RGS6: variants seen among roughly 807,000 people sequenced by gnomAD.
RGS6 encodes the protein regulator of G protein signaling 6.
A neutral mutation model predicts 78.5 loss-of-function variants in RGS6; 30 were observed. The observed-to-expected ratio is 0.38, with a 90% CI of 0.29 to 0.52. The LOEUF is 0.52. Among genes scored for constraint, RGS6 ranks in the 20% least tolerant of loss-of-function variants. The probability of loss-of-function intolerance (pLI) is 0.85; values close to 1 mark genes in which losing one functional copy is unlikely to be tolerated. For synonymous variants in RGS6, 206 were observed against 206.0 expected (o/e 1.00, Z 0.00); for missense variants, 495 against 609.7 (o/e 0.81, Z 1.98).
At chr14:72,509,603 A>G (rs1007811942) in intron 13 of RGS6, among the ~76,000 whole-genome samples, 6 of 152,234 alleles carry the variant, frequency 3.9e-5, no homozygotes, top group African/African-American at 9.6e-5. Flanking sequence ...AGCACTGTGC[A>G]TGGTTGTTAA....
At chr14:72,457,843 G>A (rs2095671580) in intron 4 of RGS6, among the ~76,000 whole-genome samples, 2 of 152,178 alleles carry the variant, frequency 1.3e-5, no homozygotes, top group African/African-American at 4.8e-5. Flanking sequence ...TATGGGCAGC[G>A]AGGCTGCATT....
At chr14:72,155,499 A>G (rs1423059433) in intron 2 of RGS6, among the ~76,000 whole-genome samples, 1 of 152,190 alleles carries the variant, frequency 6.6e-6, no homozygotes, top group Non-Finnish European at 1.5e-5. Context: ...TGGTTACTCA[A>G]TGCAATTGTG....
At chr14:72,229,616 G>T (rs1269855493) in intron 2 of RGS6, among the ~76,000 whole-genome samples, 1 of 152,176 alleles carries the variant, frequency 6.6e-6, no homozygotes, top group Admixed American at 6.5e-5. Flanking sequence ...CCACATTTCT[G>T]GGAAATTTGT....
At chr14:72,288,556 A>G (rs963067795) in intron 2 of RGS6, among the ~76,000 whole-genome samples, 3 of 152,240 alleles carry the variant, frequency 2.0e-5, no homozygotes, top group East Asian at 3.8e-4. Context: ...GAAAGATGAT[A>G]GCACAGGCTG....
intron 13 of RGS6, among the ~76,000 whole-genome samples, chr14:72,503,896 G>A (rs1032821789): frequency 6.6e-6 from 1 of 152,190 alleles, no homozygotes; most frequent in Non-Finnish European, 1.5e-5. Context: ...CCAGGCTGGG[G>A]TTCCTCACCT....
Position 71,986,539 on chromosome 14 carries a change from TA to T in RGS6, c.84+21677del, listed in dbSNP as rs879804936. Among the ~76,000 whole-genome samples, 825 of 143,936 alleles carry T rather than the reference TA, an allele frequency of 5.7e-3. 2 individuals carry two copies. The highest frequency in any genetic ancestry group is 7.1e-3 in the Middle Eastern group (2 of 282). 94.4% of individuals were successfully genotyped at this position (143,936 alleles called of 152,430 possible). A position where few individuals can be genotyped will look rare whatever the true frequency, so the allele number is the denominator to read the frequency against. On this transcript the variant is annotated intron_variant, in intron 2 of 17. Coordinates refer to ENST00000553525, the MANE Select transcript of RGS6 (RefSeq NM_001204424.2). ...AACATGATGAGACCCCATCTCTATTTAAAAAAAAAAAAATACAAAAGTTGTC... is the reference window on the plus strand; with the variant it reads ...AACATGATGAGACCCCATCTCTATTTAAAAAAAAAAAATACAAAAGTTGTC...
chr14:71,893,469 T>C, the RGS6 span, among the ~76,000 whole-genome samples: 2 of 152,288 alleles, frequency 1.3e-5, no homozygotes, highest in East Asian at 1.9e-4. Context: ...GACTCTAGAA[T>C]ATTACCACAT....
the RGS6 span, among the ~76,000 whole-genome samples, chr14:71,908,915 A>C: frequency 6.6e-6 from 1 of 152,224 alleles, no homozygotes; most frequent in Admixed American, 6.5e-5. Context: ...TAAGCTGACC[A>C]TCAATTATAA....
rs113222637 is a variant in RGS6, at chr14:72,285,030, G to A, written c.85-67065G>A. Among the ~76,000 whole-genome samples, 12 of 152,246 alleles carry A rather than the reference G, an allele frequency of 7.9e-5. No homozygotes were observed. In the South Asian group the frequency reaches 1.9e-3, roughly 24 times the overall value. On this transcript the variant is annotated intron_variant, in intron 2 of 17. Coordinates refer to ENST00000553525, the MANE Select transcript of RGS6 (RefSeq NM_001204424.2). ...TTTGGGATGGGTATATCTATCCAAC[G>A]CCTGTACCCCCATTGTATCTAGGAA...
intron 2 of RGS6, among the ~76,000 whole-genome samples, chr14:72,259,910 C>CAAAAAAAAAAAAAAAAAAAAAAAAA (rs11287556): frequency 1.9e-4 from 13 of 68,396 alleles, no homozygotes; most frequent in African/African-American, 5.4e-4. Context: ...GACTCCGTCT[C>CAAAAAAAAAAAAAAAAAAAAAAAAA]AAAAAAAAAA....
At chr14:71,964,078 C>A (rs1349907083) in intron 1 of RGS6, among the ~76,000 whole-genome samples, 1 of 151,640 alleles carries the variant, frequency 6.6e-6, no homozygotes, top group African/African-American at 2.4e-5. Context: ...GAAGTGGTAT[C>A]TCCTTGTGGT....
At chr14:72,097,254 A>G (rs1223919904) in intron 2 of RGS6, among the ~76,000 whole-genome samples, 1 of 152,202 alleles carries the variant, frequency 6.6e-6, no homozygotes. Flanking sequence ...TTGAGGTGCA[A>G]TTTCTATTCT....
Position 72,046,126 on chromosome 14 carries a change from C to A in RGS6, c.84+81251C>A, listed in dbSNP as rs139694703. Among the ~76,000 whole-genome samples, 325 of 152,048 alleles carry A rather than the reference C, an allele frequency of 2.1e-3. 3 individuals are homozygous for A. Among genetic ancestry groups the A allele is most frequent in the African/African-American group, 7.2e-3 (297 of 41,502 alleles). On this transcript the variant is annotated intron_variant, in intron 2 of 17. Coordinates refer to ENST00000553525, the MANE Select transcript of RGS6 (RefSeq NM_001204424.2). Reference sequence around the variant, plus strand: ...GTCAAAGCATTAAAGTCATTTTTCTCCCTAGGAGCGTCTCCCCCATTGCCA... The same window carrying A: ...GTCAAAGCATTAAAGTCATTTTTCTACCTAGGAGCGTCTCCCCCATTGCCA...
chr14:72,599,180 AT>A, the RGS6 span, among the ~76,000 whole-genome samples: 1 of 152,074 alleles, frequency 6.6e-6, no homozygotes, highest in African/African-American at 2.4e-5. Flanking sequence ...CCCCAACAAA[AT>A]TTTAGATGGA....
chr14:72,106,489 C>T (rs900285829), intron 2 of RGS6, among the ~76,000 whole-genome samples: 1 of 152,168 alleles, frequency 6.6e-6, no homozygotes, highest in Non-Finnish European at 1.5e-5. Flanking sequence ...TTGAAACCAG[C>T]ACCTAGCTAA....
intron 12 of RGS6, among the ~76,000 whole-genome samples, chr14:72,480,339 G>T (rs148382374): frequency 1.3e-5 from 2 of 152,228 alleles, no homozygotes; most frequent in African/African-American, 2.4e-5. Context: ...GGAAACCAAG[G>T]TGGAGGCGGG....
At position 72,114,779 on chromosome 14, in the gene RGS6, C is replaced by T. The variant is rs192774512; in HGVS notation, c.84+149904C>T. ...CTGTTTTTCCCAGTAAGCTTAATTA[C>T]TTGGATGACAATCATTAAACATTGC... On this transcript the variant is annotated intron_variant, in intron 2 of 17. Coordinates refer to ENST00000553525, the MANE Select transcript of RGS6 (RefSeq NM_001204424.2). Among the ~76,000 whole-genome samples the T allele has an allele frequency of 4.7e-3, 716 of 152,252 alleles. 1 individual carries two copies. The highest frequency in any genetic ancestry group is 8.1e-3 in the Non-Finnish European group (548 of 68,018).
intron 3 of RGS6, 98 bp from the exon 4 acceptor site, chr14:72,454,430 A>T: frequency 4.1e-6 from 5 of 1,233,166 alleles, no homozygotes; most frequent in Non-Finnish European, 6.0e-6. Context: ...TACAGTGTGG[A>T]CTGTTTGGAA....
At chr14:72,623,083 T>G in the RGS6 span, among the ~76,000 whole-genome samples, 1,032 of 152,344 alleles carry the variant, frequency 6.8e-3, 12 homozygotes, top group African/African-American at 0.024. Flanking sequence ...ACATATATAC[T>G]TGTTACCATT....
Sources: allele counts gnomAD v4.1 joint callset (sites outside exome capture counted in the v4.1 genomes callset), GRCh38; gene constraint gnomAD v4.1.1; transcripts MANE v1.5; gene names NCBI Gene and HGNC (gene_info 2026-07-23, HGNC 2026-07-21).